Variants in PLAAT5 observed in about 807,000 individuals in gnomAD.
PLAAT5 encodes phospholipase A and acyltransferase 5.
Under a neutral mutation model 27.8 loss-of-function variants are expected in PLAAT5, and 27 were observed. The ratio of observed to expected loss-of-function variants is 0.97; its 90% confidence interval spans 0.72 to 1.34. The LOEUF is 1.34. Among genes scored for constraint, PLAAT5 ranks in the 40% most tolerant of loss-of-function variants. The probability of loss-of-function intolerance (pLI) is 0.00; values close to 1 mark genes in which losing one functional copy is unlikely to be tolerated. For missense variants in PLAAT5, 368 were observed against 343.8 expected, an observed-to-expected ratio of 1.07 and a Z score of -0.56; for synonymous variants, 125 against 136.1, an observed-to-expected ratio of 0.92 and a Z score of 0.57.
At chr11:63,466,483 T>TA in intron 4 of PLAAT5, 111 bp from the exon 5 acceptor site, 1 of 1,072,826 alleles carries the variant, frequency 9.3e-7, no homozygotes, top group Non-Finnish European at 1.3e-6. Flanking sequence ...GCACCATCAG[T>TA]AGAAGGGTGG....
chr11:63,466,367 C>T lies in PLAAT5; in HGVS notation c.460G>A (p.Glu154Lys). 2 of 1,613,998 alleles carry T rather than the reference C, an allele frequency of 1.2e-6. No homozygotes were observed. Among genetic ancestry groups the T allele is most frequent in the Non-Finnish European group, 1.7e-6 (2 of 1,179,980 alleles). Residue 154 changes from glutamate (E) to lysine (K), a missense_variant, in exon 5 of 6, where the codon GAG becomes AAG. Coordinates refer to ENST00000540857, the MANE Select transcript of PLAAT5 (RefSeq NM_001146729.2). ...CVVHLAPPSE[E>K]FEVGSITSIF... ...GAAGTAATGCTGCCCACCTCAAACT[C>T]CTCACCTGGAGACCAAAGACAAACA...
Position 63,463,178 on chromosome 11 carries a change from A to T in PLAAT5, c.*325T>A. On this transcript the variant is annotated 3_prime_UTR_variant, in exon 6 of 6. Transcript: ENST00000540857. ...GGGATGTTTCTGATGGCACTCAAGC[A>T]TCGGAGACCAAGGTCAGCCTAAGAC... 3.8e-6 allele frequency: 1 copy of T among 261,894 alleles called. No homozygotes were observed. Among genetic ancestry groups the T allele is most frequent in the Non-Finnish European group, 7.2e-6 (1 of 138,842 alleles). 16.2% of individuals were successfully genotyped at this position (261,894 alleles called of 1,614,324 possible). A position where few individuals can be genotyped will look rare whatever the true frequency, so the allele number is the denominator to read the frequency against.
At position 63,484,376 on chromosome 11, in the gene PLAAT5, C is replaced by T. The variant is rs562687077; in HGVS notation, c.345+4495G>A. On this transcript the variant is annotated intron_variant, in intron 3 of 5. Transcript: ENST00000540857. ...TACAGACCAATATCCCTGATGAACA[C>T]GGATGCAAAAATCCTCAACAAAATA... Among the ~76,000 whole-genome samples, 39 of 151,386 alleles carry T rather than the reference C, an allele frequency of 2.6e-4. 2 individuals carry two copies. The South Asian group carries it at 7.7e-3, about 30-fold the overall frequency.
intron 3 of PLAAT5, among the ~76,000 whole-genome samples, chr11:63,472,439 T>C (rs554755343): frequency 5.3e-5 from 8 of 152,326 alleles, no homozygotes; most frequent in South Asian, 2.1e-4. Context: ...ACTTTGGCTA[T>C]CCCAGGTCCT....
chr11:63,483,827 A>ATATG (rs1555028278), intron 3 of PLAAT5, among the ~76,000 whole-genome samples: 3 of 109,790 alleles, frequency 2.7e-5, no homozygotes, highest in Non-Finnish European at 3.8e-5. Context: ...ATATATATAT[A>ATATG]TATATATATA....
intron 3 of PLAAT5, among the ~76,000 whole-genome samples, chr11:63,484,173 A>G (rs1221264646): frequency 2.0e-5 from 3 of 151,188 alleles, no homozygotes; most frequent in Non-Finnish European, 3.0e-5. Flanking sequence ...AAAAAAAAAA[A>G]GTCCAGGACC....
chr11:63,491,101 C>T lies in PLAAT5; in HGVS notation c.-67G>A. On this transcript the variant is annotated 5_prime_UTR_variant, in exon 1 of 6. Transcript: ENST00000540857. The stretch of plus-strand genomic sequence containing the variant: ...ACTACGCCCCTGGCGAGTTCCCAGT[C>T]GGCGCGGCCCCTGGTCGGCGGAGCC... 1 of 1,262,596 alleles carries T rather than the reference C, an allele frequency of 7.9e-7. No homozygotes were observed. Among genetic ancestry groups the T allele is most frequent in the Non-Finnish European group, 1.0e-6 (1 of 984,484 alleles). 78.2% of individuals were successfully genotyped at this position (1,262,596 alleles called of 1,614,324 possible). A position where few individuals can be genotyped will look rare whatever the true frequency, so the allele number is the denominator to read the frequency against.
At chr11:63,484,512 A>C (rs1035879289) in intron 3 of PLAAT5, among the ~76,000 whole-genome samples, 7 of 152,126 alleles carry the variant, frequency 4.6e-5, no homozygotes, top group Non-Finnish European at 7.4e-5. Context: ...TAAATGTGAT[A>C]TATCACATAA....
chr11:63,484,911 G>T (rs1204997912), intron 3 of PLAAT5, among the ~76,000 whole-genome samples: 1 of 152,062 alleles, frequency 6.6e-6, no homozygotes, highest in African/African-American at 2.4e-5. Flanking sequence ...AATCCAAAAA[G>T]TCCTAGAACT....
At position 63,490,746 on chromosome 11, in the gene PLAAT5, C is replaced by A. The variant is rs2016544445; in HGVS notation, c.148+141G>T. 5 of 792,236 alleles carry A rather than the reference C, an allele frequency of 6.3e-6. No homozygotes were observed. In the South Asian group the frequency reaches 7.4e-5, roughly 12 times the overall value. The allele number at this position is 792,236 out of a possible 1,614,324, so 49.1% of individuals were successfully genotyped here. A position where few individuals can be genotyped will look rare whatever the true frequency, so the allele number is the denominator to read the frequency against. On this transcript the variant is annotated intron_variant, in intron 1 of 5. Coordinates refer to ENST00000540857, the MANE Select transcript of PLAAT5 (RefSeq NM_001146729.2). ...TTTGATTAGCTTTATAACAAGCGGT[C>A]GTTCTGAAATACTCGCTCATGATGG...
intron 3 of PLAAT5, chr11:63,469,597 TA>T: frequency 4.4e-6 from 1 of 227,630 alleles, no homozygotes; most frequent in Non-Finnish European, 1.0e-5. Flanking sequence ...GGAAAGGCTG[TA>T]AAAGTGTGGG....
intron 3 of PLAAT5, among the ~76,000 whole-genome samples, chr11:63,484,543 C>T (rs2016388792): frequency 6.6e-6 from 1 of 152,052 alleles, no homozygotes; most frequent in African/African-American, 2.4e-5. Flanking sequence ...AAACAAAAAT[C>T]ACATGATTAT....
intron 3 of PLAAT5, among the ~76,000 whole-genome samples, chr11:63,480,181 C>T (rs1590621819): frequency 6.6e-6 from 1 of 152,214 alleles, no homozygotes; most frequent in African/African-American, 2.4e-5. Context: ...CAGTTACTTC[C>T]CACTCAACAT....
chr11:63,478,694 G>C (rs2016212063), intron 3 of PLAAT5, among the ~76,000 whole-genome samples: 1 of 152,150 alleles, frequency 6.6e-6, no homozygotes, highest in Non-Finnish European at 1.5e-5. Flanking sequence ...ACTGTCTTTG[G>C]CAATTTTGTC....
At chr11:63,490,582 C>T in intron 1 of PLAAT5, 1 of 643,620 alleles carries the variant, frequency 1.6e-6, no homozygotes, top group South Asian at 1.9e-5. Context: ...AAGAAGGGCG[C>T]CTCGCCTCTA....
chr11:63,464,719 G>C (rs2015811758), intron 5 of PLAAT5, among the ~76,000 whole-genome samples: 1 of 152,118 alleles, frequency 6.6e-6, no homozygotes, highest in South Asian at 2.1e-4. Flanking sequence ...TTTTAGTAAG[G>C]ATCACCTATT....
chr11:63,461,496 G>A lies in PLAAT5; in HGVS notation c.*2007C>T, dbSNP rs2015714038. Reference sequence around the variant, plus strand: ...TCTCCACTCCATGAGGAGTGGGCATGTGCTTTATTATATCAACAAGACTAA... The same window carrying A: ...TCTCCACTCCATGAGGAGTGGGCATATGCTTTATTATATCAACAAGACTAA... On this transcript the variant is annotated 3_prime_UTR_variant, in exon 6 of 6. Transcript: ENST00000540857. 1.3e-5 allele frequency: 2 copies of A among 152,196 alleles called. No homozygotes were observed. The allele number at this position is 152,196 out of a possible 1,614,324, so 9.4% of individuals were successfully genotyped here.
intron 3 of PLAAT5, among the ~76,000 whole-genome samples, chr11:63,484,143 A>T (rs1035909900): frequency 3.3e-5 from 5 of 150,958 alleles, no homozygotes; most frequent in African/African-American, 7.3e-5. Flanking sequence ...AGTAATTTTT[A>T]AAAATGCCAA....
chr11:63,464,472 A>G (rs2015801394), intron 5 of PLAAT5, among the ~76,000 whole-genome samples: 1 of 152,292 alleles, frequency 6.6e-6, no homozygotes, highest in South Asian at 2.1e-4. Context: ...CCTGACCAAC[A>G]TGGTGAAACC....
Sources: gnomAD v4.1 joint callset for allele counts (sites outside exome capture counted in the v4.1 genomes callset) on GRCh38, gnomAD v4.1.1 for gene constraint, MANE v1.5 for transcripts, NCBI Gene and HGNC (gene_info 2026-07-23, HGNC 2026-07-21) for gene names.